TNR: variants seen among roughly 807,000 people sequenced by gnomAD.
The protein encoded by TNR is tenascin R, also known as tenascin-R.
Under a neutral mutation model 150.4 loss-of-function variants are expected in TNR, and 45 were observed. That is an observed-to-expected ratio of 0.30 (90% CI 0.24 to 0.38). The LOEUF (loss-of-function observed/expected upper bound fraction) is 0.38. Ranked by LOEUF, TNR falls within the 10% of genes least tolerant of loss-of-function variation. TNR has a pLI of 1.00. For missense variants in TNR, 1,544 were observed against 1,759.1 expected (o/e 0.88, Z 2.19); for synonymous variants, 687 against 678.4 (o/e 1.01, Z -0.20).
intron 1 of TNR, among the ~76,000 whole-genome samples, chr1:175,621,423 C>A (rs2101864886): frequency 6.6e-6 from 1 of 152,292 alleles, no homozygotes; most frequent in African/African-American, 2.4e-5. Flanking sequence ...CCACACTCAG[C>A]TACTCACTGC....
At chr1:175,701,777 A>G (rs901236357) in intron 1 of TNR, among the ~76,000 whole-genome samples, 6 of 152,348 alleles carry the variant, frequency 3.9e-5, no homozygotes, top group South Asian at 2.1e-4. Context: ...GAGCAGCACC[A>G]GGGAGCTGGT....
chr1:175,338,948 C>T (rs556872546), intron 18 of TNR, among the ~76,000 whole-genome samples: 56 of 152,334 alleles, frequency 3.7e-4, no homozygotes, highest in South Asian at 2.5e-3. Flanking sequence ...CCGTCGAGGG[C>T]GCACTGGCCT....
intron 1 of TNR, among the ~76,000 whole-genome samples, chr1:175,715,721 T>A (rs1346493662): frequency 6.6e-6 from 1 of 152,198 alleles, no homozygotes; most frequent in Non-Finnish European, 1.5e-5. Context: ...CCCAGGAGAA[T>A]AGGAATTCAT....
intron 2 of TNR, among the ~76,000 whole-genome samples, chr1:175,448,887 G>A (rs1356967319): frequency 1.3e-5 from 2 of 152,304 alleles, no homozygotes; most frequent in Middle Eastern, 3.4e-3. Context: ...CCAAAAAACA[G>A]GTCTGGTCTG....
At chr1:175,701,529 G>C (rs1666696086) in intron 1 of TNR, among the ~76,000 whole-genome samples, 1 of 152,210 alleles carries the variant, frequency 6.6e-6, no homozygotes, top group Admixed American at 6.5e-5. Context: ...CAACAAGAGG[G>C]GCTTTTGGAG....
At chr1:175,516,003 A>G (rs1050914741) in intron 2 of TNR, among the ~76,000 whole-genome samples, 2 of 152,224 alleles carry the variant, frequency 1.3e-5, no homozygotes, top group African/African-American at 2.4e-5. Context: ...TTTGTGGACT[A>G]AGAATGGATG....
chr1:175,332,843 T>C (rs1222085864), intron 20 of TNR, among the ~76,000 whole-genome samples: 1 of 152,236 alleles, frequency 6.6e-6, no homozygotes, highest in Admixed American at 6.5e-5. Context: ...CAGTGACTCT[T>C]ATGTTAGAAC....
chr1:175,495,783 G>A (rs1228015404), intron 2 of TNR, among the ~76,000 whole-genome samples: 1 of 152,186 alleles, frequency 6.6e-6, no homozygotes, highest in Non-Finnish European at 1.5e-5. Context: ...TATCAGAAGT[G>A]CCGTTTGTGT....
chr1:175,472,415 T>G (rs1032111968), intron 2 of TNR, among the ~76,000 whole-genome samples: 11 of 152,198 alleles, frequency 7.2e-5, no homozygotes, highest in African/African-American at 2.4e-4. Context: ...AGTAAATATA[T>G]AAAATAGTAA....
intron 16 of TNR, 107 bp from the exon 17 acceptor site, chr1:175,355,740 T>C (rs916825781): frequency 8.1e-6 from 12 of 1,486,370 alleles, no homozygotes; most frequent in African/African-American, 1.4e-5. Context: ...TCAGGATTGC[T>C]CACATGCTGA....
intron 1 of TNR, among the ~76,000 whole-genome samples, chr1:175,737,853 A>T (rs1667816783): frequency 6.6e-6 from 1 of 152,120 alleles, no homozygotes. Flanking sequence ...CTGTTGGCTC[A>T]TTTGTCCCTG....
intron 17 of TNR, 27 bp downstream of exon 17, chr1:175,355,476 T>C (rs777754172): frequency 1.9e-6 from 3 of 1,611,790 alleles, no homozygotes; most frequent in Non-Finnish European, 2.5e-6. Flanking sequence ...GAAGAAATGG[T>C]CTTTTCCCTT....
intron 2 of TNR, among the ~76,000 whole-genome samples, chr1:175,451,378 A>C (rs1205812643): frequency 6.6e-6 from 1 of 151,000 alleles, no homozygotes; most frequent in East Asian, 1.9e-4. Context: ...CCCTTCCCCC[A>C]CCCCACAACA....
intron 2 of TNR, among the ~76,000 whole-genome samples, chr1:175,411,357 T>C (rs1654206460): frequency 6.6e-6 from 1 of 152,110 alleles, no homozygotes; most frequent in Non-Finnish European, 1.5e-5. Context: ...CTTTATAAAT[T>C]CTTGGTCTTA....
intron 14 of TNR, among the ~76,000 whole-genome samples, chr1:175,360,671 T>C (rs547122239): frequency 3.2e-4 from 48 of 152,326 alleles, no homozygotes; most frequent in Middle Eastern, 3.4e-3. Flanking sequence ...TTTTTTCACT[T>C]GCCTATGTCC....
intron 2 of TNR, among the ~76,000 whole-genome samples, chr1:175,411,848 A>T (rs1249435392): frequency 6.6e-6 from 1 of 152,146 alleles, no homozygotes; most frequent in Non-Finnish European, 1.5e-5. Flanking sequence ...AAGCGGGGAC[A>T]CAATTCAGCC....
intron 18 of TNR, among the ~76,000 whole-genome samples, chr1:175,343,823 A>G (rs1245041801): frequency 1.3e-5 from 2 of 152,260 alleles, no homozygotes; most frequent in Non-Finnish European, 2.9e-5. Flanking sequence ...AAAATAGGCC[A>G]GAGCAAGTTC....
intron 1 of TNR, among the ~76,000 whole-genome samples, chr1:175,627,198 A>G (rs1427541448): frequency 1.3e-5 from 2 of 152,248 alleles, no homozygotes; most frequent in Non-Finnish European, 2.9e-5. Flanking sequence ...TGTGATTGAC[A>G]TGGCAAGAGG....
intron 1 of TNR, among the ~76,000 whole-genome samples, chr1:175,543,676 C>T (rs1161532635): frequency 2.0e-5 from 3 of 151,956 alleles, no homozygotes; most frequent in African/African-American, 4.8e-5. Flanking sequence ...CTGGGAAACT[C>T]GTAATTTATA....
Sources: gnomAD v4.1 joint callset for allele counts (sites outside exome capture counted in the v4.1 genomes callset) on GRCh38, gnomAD v4.1.1 for gene constraint, MANE v1.5 for transcripts, NCBI Gene and HGNC (gene_info 2026-07-23, HGNC 2026-07-21) for gene names.